AUTS2: variants seen among roughly 807,000 people sequenced by gnomAD.
AUTS2 encodes the protein autism susceptibility gene 2 protein.
AUTS2 carries 17 observed loss-of-function variants against 112.4 expected under a neutral mutation model. The ratio of observed to expected loss-of-function variants is 0.15; its 90% CI spans 0.10 to 0.23. The LOEUF (loss-of-function observed/expected upper bound fraction) is 0.23. Among genes scored for constraint, AUTS2 ranks in the 10% least tolerant of loss-of-function variants. AUTS2 has a pLI of 1.00. For missense variants in AUTS2, 1,510 were observed against 1,701.6 expected (o/e 0.89, Z 1.98); for synonymous variants, 751 against 702.7 (o/e 1.07, Z -1.09).
chr7:70,065,444 A>T (rs1250821413), intron 2 of AUTS2, among the ~76,000 whole-genome samples: 1 of 152,172 alleles, frequency 6.6e-6, no homozygotes, highest in Non-Finnish European at 1.5e-5. Context: ...CTGTAATCCC[A>T]GCACTTTGGG....
intron 2 of AUTS2, among the ~76,000 whole-genome samples, chr7:70,100,980 C>T (rs1397037764): frequency 6.6e-6 from 1 of 152,058 alleles, no homozygotes; most frequent in African/African-American, 2.4e-5. Context: ...TGGGTTCAAG[C>T]GATTCTCCTG....
intron 4 of AUTS2, among the ~76,000 whole-genome samples, chr7:70,344,183 A>T (rs550142466): frequency 6.6e-6 from 1 of 152,284 alleles, no homozygotes; most frequent in South Asian, 2.1e-4. Context: ...TGTGCAGTGA[A>T]TGGGCTTGAA....
rs568461027 is a variant in AUTS2, at chr7:70,408,071, A to C, written c.661-27681A>C. Reference sequence around the variant, plus strand: ...TCCATCTCAAAAAAAAAAAAAAAAAAGTCAGAAAATGAGATGGGAGGATCG... The same window carrying C: ...TCCATCTCAAAAAAAAAAAAAAAAACGTCAGAAAATGAGATGGGAGGATCG... On this transcript the variant is annotated intron_variant, in intron 4 of 18. Transcript: ENST00000342771. Among the ~76,000 whole-genome samples the C allele has an allele frequency of 1.6e-3, 239 of 150,392 alleles. 2 individuals are homozygous for C. Among genetic ancestry groups the C allele is most frequent in the Admixed American group, 0.012 (188 of 15,092 alleles).
At chr7:70,681,434 G>A in intron 5 of AUTS2, among the ~76,000 whole-genome samples, 1 of 152,066 alleles carries the variant, frequency 6.6e-6, no homozygotes, top group Non-Finnish European at 1.5e-5. Context: ...GATGGCTCTG[G>A]ATAAATCCTC....
At chr7:69,860,974 C>T (rs1369096977) in intron 1 of AUTS2, among the ~76,000 whole-genome samples, 1 of 152,118 alleles carries the variant, frequency 6.6e-6, no homozygotes, top group African/African-American at 2.4e-5. Flanking sequence ...GGACATGGCA[C>T]TCAAAACCTG....
At chr7:69,961,848 G>A (rs2129547039) in intron 2 of AUTS2, among the ~76,000 whole-genome samples, 1 of 152,090 alleles carries the variant, frequency 6.6e-6, no homozygotes, top group East Asian at 1.9e-4. Flanking sequence ...ACCTTTTTGA[G>A]GGCTTTTTGG....
At chr7:70,678,791 A>G (rs1368729173) in intron 5 of AUTS2, among the ~76,000 whole-genome samples, 1 of 152,182 alleles carries the variant, frequency 6.6e-6, no homozygotes, top group African/African-American at 2.4e-5. Flanking sequence ...GCTCAGAGCA[A>G]CTTCCAAGGG....
intron 4 of AUTS2, among the ~76,000 whole-genome samples, chr7:70,384,258 C>T (rs1187153791): frequency 6.6e-6 from 1 of 152,200 alleles, no homozygotes; most frequent in Non-Finnish European, 1.5e-5. Context: ...GGATTGAGAA[C>T]ATATTGCTTG....
chr7:70,285,774 A>G (rs539757228), intron 4 of AUTS2, among the ~76,000 whole-genome samples: 2 of 152,300 alleles, frequency 1.3e-5, no homozygotes, highest in East Asian at 3.9e-4. Flanking sequence ...GTATTCATTC[A>G]TCAAATATTT....
intron 2 of AUTS2, among the ~76,000 whole-genome samples, chr7:69,922,205 G>A (rs910336069): frequency 1.3e-5 from 2 of 152,180 alleles, no homozygotes; most frequent in African/African-American, 2.4e-5. Flanking sequence ...TTTCATGCAC[G>A]CAGTCTGTGA....
intron 1 of AUTS2, among the ~76,000 whole-genome samples, chr7:69,633,184 C>G (rs910775012): frequency 1.3e-5 from 2 of 152,060 alleles, no homozygotes; most frequent in Non-Finnish European, 2.9e-5. Flanking sequence ...TGAGATCATG[C>G]AATATTTTTT....
At chr7:69,848,346 G>T (rs952538802) in intron 1 of AUTS2, among the ~76,000 whole-genome samples, 1 of 152,164 alleles carries the variant, frequency 6.6e-6, no homozygotes, top group Non-Finnish European at 1.5e-5. Flanking sequence ...TAAATCAGCC[G>T]CAGCTTGCTT....
intron 2 of AUTS2, among the ~76,000 whole-genome samples, chr7:70,061,641 C>T (rs1226483425): frequency 1.3e-5 from 2 of 152,084 alleles, no homozygotes; most frequent in Admixed American, 6.6e-5. Flanking sequence ...TAGTACTCTG[C>T]TAAGTACTAT....
intron 4 of AUTS2, among the ~76,000 whole-genome samples, chr7:70,336,054 G>C (rs148615332): frequency 0.028 from 4,274 of 152,222 alleles, 91 homozygotes; most frequent in Middle Eastern, 0.12. Context: ...AACAAATCAT[G>C]ATCTTTCACG....
At chr7:70,118,372 C>T (rs2129572702) in intron 3 of AUTS2, 139 bp downstream of exon 3, 2 of 1,049,948 alleles carry the variant, frequency 1.9e-6, no homozygotes, top group Non-Finnish European at 2.6e-6. Flanking sequence ...TTGCGGTTCA[C>T]ATTATCTTTG....
At position 69,662,177 on chromosome 7, in the gene AUTS2, C is replaced by CTT. The variant is rs548089445; in HGVS notation, c.309+62229_309+62230dup. Among the ~76,000 whole-genome samples the CTT allele has an allele frequency of 5.7e-5, 8 of 139,990 alleles. 1 individual carries two copies. The South Asian group carries it at 1.8e-3, about 32-fold the overall frequency. 91.8% of individuals were successfully genotyped at this position (139,990 alleles called of 152,430 possible). A position where few individuals can be genotyped will look rare whatever the true frequency, so the allele number is the denominator to read the frequency against. ...TAATAAGAATCATAGGTATTCAGAG[C>CTT]TTTTTTTTTTTTTTTAATTAACAGT... is the stretch of plus-strand genomic sequence containing the variant. On this transcript the variant is annotated intron_variant, in intron 1 of 18. Coordinates refer to ENST00000342771, the MANE Select transcript of AUTS2 (RefSeq NM_015570.4).
In AUTS2 at chr7:70,083,593, T is replaced by G. The variant is rs548791154; in HGVS notation, c.523-34539T>G. Among the ~76,000 whole-genome samples, 7 of 152,322 alleles carry G rather than the reference T, an allele frequency of 4.6e-5. No homozygotes were observed. In the South Asian group the frequency reaches 1.5e-3, roughly 32 times the overall value. ...ATTGGCATATAATGAACTGATCATA[T>G]TTAAACTATACAACTTGATAAGTTT... On this transcript the variant is annotated intron_variant, in intron 2 of 18. Transcript: ENST00000342771.
chr7:70,245,580 A>G (rs369881807), intron 4 of AUTS2, among the ~76,000 whole-genome samples: 9 of 152,286 alleles, frequency 5.9e-5, no homozygotes, highest in African/African-American at 1.2e-4. Context: ...GCTGTAATGC[A>G]TTCATTTTCA....
At chr7:70,284,471 C>T (rs1468159713) in intron 4 of AUTS2, among the ~76,000 whole-genome samples, 1 of 152,092 alleles carries the variant, frequency 6.6e-6, no homozygotes, top group Non-Finnish European at 1.5e-5. Flanking sequence ...TTCACCAATA[C>T]AGGATATCAG....
Sources: gnomAD v4.1 joint callset for allele counts (sites outside exome capture counted in the v4.1 genomes callset) on GRCh38, gnomAD v4.1.1 for gene constraint, MANE v1.5 for transcripts, NCBI Gene and HGNC (gene_info 2026-07-23, HGNC 2026-07-21) for gene names.